KIAA1328: variants seen among roughly 807,000 people sequenced by gnomAD.
KIAA1328 encodes KIAA1328, also known as protein hinderin.
Under a neutral mutation model 68.1 loss-of-function variants are expected in KIAA1328, and 52 were observed. That is an observed-to-expected ratio of 0.76 (90% CI 0.61 to 0.96). KIAA1328 has a LOEUF of 0.96. Among genes scored for constraint, KIAA1328 ranks in the 40% least tolerant of loss-of-function variants. The pLI, the probability that KIAA1328 is intolerant of heterozygous loss-of-function variation, is 0.00. For synonymous variants in KIAA1328, 232 were observed against 239.4 expected (o/e 0.97, Z 0.28); for missense variants, 641 against 677.6 (o/e 0.95, Z 0.60).
intron 7 of KIAA1328, among the ~76,000 whole-genome samples, chr18:37,143,144 G>A (rs988876538): frequency 1.3e-5 from 2 of 151,896 alleles, no homozygotes; most frequent in African/African-American, 4.8e-5. Context: ...TAGTAGCAAT[G>A]GGATTTTGCC....
At chr18:36,922,237 A>G (rs1411334404) in intron 5 of KIAA1328, among the ~76,000 whole-genome samples, 1 of 152,166 alleles carries the variant, frequency 6.6e-6, no homozygotes, top group Non-Finnish European at 1.5e-5. Flanking sequence ...TCTAGAATGT[A>G]GTTGTCTCCC....
At chr18:37,113,820 C>T (rs1387284872) in intron 7 of KIAA1328, among the ~76,000 whole-genome samples, 1 of 152,006 alleles carries the variant, frequency 6.6e-6, no homozygotes, top group Admixed American at 6.6e-5. Flanking sequence ...GAAGATCTAC[C>T]AAGCAAATGG....
chr18:37,052,810 C>T (rs933677626), intron 6 of KIAA1328, among the ~76,000 whole-genome samples: 3 of 151,982 alleles, frequency 2.0e-5, no homozygotes, highest in African/African-American at 4.8e-5. Context: ...GATCTCTACA[C>T]GAACTAAAAA....
chr18:36,929,601 G>A (rs1354829328), intron 5 of KIAA1328, among the ~76,000 whole-genome samples: 4 of 151,952 alleles, frequency 2.6e-5, no homozygotes, highest in African/African-American at 4.8e-5. Flanking sequence ...TTCATATTTT[G>A]GAATCTTATC....
chr18:37,154,995 G>T (rs981694169), intron 7 of KIAA1328, among the ~76,000 whole-genome samples: 1 of 152,062 alleles, frequency 6.6e-6, no homozygotes, highest in Admixed American at 6.6e-5. Context: ...CCTAACCCTA[G>T]ATTGAGCTCT....
At chr18:36,950,152 A>T (rs1216621771) in intron 5 of KIAA1328, among the ~76,000 whole-genome samples, 1 of 152,120 alleles carries the variant, frequency 6.6e-6, no homozygotes, top group East Asian at 1.9e-4. Context: ...GAAAATGTGT[A>T]CTCTTTTTTT....
At chr18:37,097,924 G>T (rs1014438022) in intron 7 of KIAA1328, among the ~76,000 whole-genome samples, 4 of 152,144 alleles carry the variant, frequency 2.6e-5, no homozygotes, top group Non-Finnish European at 4.4e-5. Context: ...CATTGATTTT[G>T]TATCCTGAGA....
chr18:37,069,526 C>G (rs918748501), intron 7 of KIAA1328, among the ~76,000 whole-genome samples: 1 of 152,136 alleles, frequency 6.6e-6, no homozygotes, highest in Non-Finnish European at 1.5e-5. Context: ...ATGCAGGCCT[C>G]ATAAAATGAG....
chr18:36,904,808 G>C (rs1157081950), intron 5 of KIAA1328, among the ~76,000 whole-genome samples: 1 of 151,416 alleles, frequency 6.6e-6, no homozygotes, highest in African/African-American at 2.4e-5. Context: ...GTGTTCTTTT[G>C]GATCAATTGA....
At chr18:36,928,675 A>G (rs1294760874) in intron 5 of KIAA1328, among the ~76,000 whole-genome samples, 2 of 152,140 alleles carry the variant, frequency 1.3e-5, no homozygotes, top group African/African-American at 4.8e-5. Context: ...GGGGTGAGAG[A>G]GAGAGAGAGA....
At chr18:36,927,128 A>G (rs576256003) in intron 5 of KIAA1328, among the ~76,000 whole-genome samples, 161 of 152,322 alleles carry the variant, frequency 1.1e-3, no homozygotes, top group African/African-American at 3.8e-3. Context: ...TGGGAATCAC[A>G]TTTTAACATG....
intron 5 of KIAA1328, among the ~76,000 whole-genome samples, chr18:36,945,636 A>G (rs1188559118): frequency 1.3e-5 from 2 of 152,214 alleles, no homozygotes; most frequent in South Asian, 2.1e-4. Flanking sequence ...TTTTCATACT[A>G]CATTACAGAG....
At position 37,223,396 on chromosome 18, in the gene KIAA1328, G is replaced by C; in HGVS notation, c.*1169G>C. 1.0e-6 allele frequency: 1 copy of C among 985,422 alleles called. No homozygotes were observed. The highest frequency in any genetic ancestry group is 1.2e-6 in the Non-Finnish European group (1 of 829,950). 61.0% of individuals were successfully genotyped at this position (985,422 alleles called of 1,614,324 possible). ...CTGTCTTTTCTCCCACAGAGCTCTTGAGATGGGTCCTTCAGCTTGCAGTGG... is the reference window on the plus strand; with the variant it reads ...CTGTCTTTTCTCCCACAGAGCTCTTCAGATGGGTCCTTCAGCTTGCAGTGG... On this transcript the variant is annotated 3_prime_UTR_variant, in exon 10 of 10. Transcript: ENST00000280020.
chr18:37,117,383 A>G (rs540611687), intron 7 of KIAA1328, among the ~76,000 whole-genome samples: 2 of 152,198 alleles, frequency 1.3e-5, no homozygotes, highest in East Asian at 1.9e-4. Flanking sequence ...TGAGCAAACT[A>G]TCGCAAGGAC....
intron 9 of KIAA1328, among the ~76,000 whole-genome samples, chr18:37,208,451 C>A (rs989200523): frequency 1.4e-4 from 22 of 152,160 alleles, no homozygotes; most frequent in African/African-American, 5.3e-4. Context: ...TCTTGTGATG[C>A]TGACATTAGC....
At chr18:37,113,080 A>G (rs908343673) in intron 7 of KIAA1328, among the ~76,000 whole-genome samples, 4 of 152,152 alleles carry the variant, frequency 2.6e-5, no homozygotes, top group Non-Finnish European at 4.4e-5. Flanking sequence ...GTTGGAAAAT[A>G]CTCTTCAGGA....
intron 7 of KIAA1328, among the ~76,000 whole-genome samples, chr18:37,119,123 T>C (rs937238428): frequency 1.3e-5 from 2 of 152,216 alleles, no homozygotes; most frequent in Admixed American, 1.3e-4. Flanking sequence ...GATAAAACAC[T>C]CTGTAAGTCC....
intron 7 of KIAA1328, among the ~76,000 whole-genome samples, chr18:37,102,960 C>T (rs1297706025): frequency 6.6e-6 from 1 of 151,902 alleles, no homozygotes; most frequent in Non-Finnish European, 1.5e-5. Flanking sequence ...GAATAAAATA[C>T]CCAGATATAA....
At chr18:36,942,365 G>A (rs2050747179) in intron 5 of KIAA1328, among the ~76,000 whole-genome samples, 1 of 152,200 alleles carries the variant, frequency 6.6e-6, no homozygotes, top group African/African-American at 2.4e-5. Flanking sequence ...AACAAGTGGT[G>A]TAGCAGAACT....
Sources: allele counts gnomAD v4.1 joint callset (sites outside exome capture counted in the v4.1 genomes callset), GRCh38; gene constraint gnomAD v4.1.1; transcripts MANE v1.5; gene names NCBI Gene and HGNC (gene_info 2026-07-23, HGNC 2026-07-21).